The following SPAG16 variants were observed in gnomAD, a reference collection of about 807,000 sequenced individuals.
SPAG16 encodes sperm-associated antigen 16 protein.
In SPAG16, 86 loss-of-function variants were observed where a neutral mutation model predicts 80.4. That is an observed-to-expected ratio of 1.07 (90% CI 0.90 to 1.28). The LOEUF (loss-of-function observed/expected upper bound fraction) is 1.28. SPAG16 is among the 50% of genes most tolerant of loss of function. The probability of loss-of-function intolerance (pLI) is 0.00; values close to 1 mark genes in which losing one functional copy is unlikely to be tolerated. For missense variants in SPAG16, 870 were observed against 765.3 expected (o/e 1.14, Z -1.61); for synonymous variants, 294 against 265.9 (o/e 1.11, Z -1.03).
intron 10 of SPAG16, among the ~76,000 whole-genome samples, chr2:213,590,677 A>G (rs1419776822): frequency 6.6e-6 from 1 of 152,198 alleles, no homozygotes; most frequent in Non-Finnish European, 1.5e-5. Flanking sequence ...TGTGGAGAAA[A>G]TGGAACGCTT....
At chr2:213,515,216 A>T (rs1426305611) in intron 10 of SPAG16, among the ~76,000 whole-genome samples, 1 of 152,176 alleles carries the variant, frequency 6.6e-6, no homozygotes, top group Non-Finnish European at 1.5e-5. Flanking sequence ...AGGTTACTTA[A>T]ATTAGGTCTT....
chr2:213,299,700 A>G (rs1358488118), intron 3 of SPAG16, among the ~76,000 whole-genome samples: 2 of 152,128 alleles, frequency 1.3e-5, no homozygotes, highest in Non-Finnish European at 2.9e-5. Flanking sequence ...TAGTGGGTTC[A>G]ATGATCTGAA....
At chr2:213,495,271 T>C (rs2074431376) in intron 10 of SPAG16, among the ~76,000 whole-genome samples, 1 of 152,200 alleles carries the variant, frequency 6.6e-6, no homozygotes, top group African/African-American at 2.4e-5. Flanking sequence ...CCCTAAGACT[T>C]CCAGTGGGAT....
At chr2:213,337,549 AAC>A (rs1217670740) in intron 5 of SPAG16, among the ~76,000 whole-genome samples, 1 of 152,244 alleles carries the variant, frequency 6.6e-6, no homozygotes, top group Non-Finnish European at 1.5e-5. Flanking sequence ...CAAGCTGAGA[AAC>A]ACAACACGAG....
intron 12 of SPAG16, among the ~76,000 whole-genome samples, chr2:214,007,664 A>AT (rs149457018): frequency 0.025 from 3,802 of 152,260 alleles, 159 homozygotes; most frequent in African/African-American, 0.087. Flanking sequence ...CAAAAAAGTG[A>AT]TCTGCCTCCA....
At chr2:214,012,289 T>TATATATATATATATATA (rs71034604) in intron 12 of SPAG16, among the ~76,000 whole-genome samples, 7 of 26,100 alleles carry the variant, frequency 2.7e-4, no homozygotes, top group African/African-American at 1.1e-3. Context: ...TATATATATA[T>TATATATATATATATATA]TTTTTTTTTT....
intron 13 of SPAG16, 135 bp from the exon 14 acceptor site, chr2:214,108,061 A>C: frequency 1.6e-6 from 1 of 628,186 alleles, no homozygotes; most frequent in Non-Finnish European, 2.7e-6. Flanking sequence ...CAAAAGCTAG[A>C]ATTTTCTATG....
At chr2:213,716,072 AT>A (rs999384567) in intron 10 of SPAG16, among the ~76,000 whole-genome samples, 2 of 152,096 alleles carry the variant, frequency 1.3e-5, no homozygotes, top group African/African-American at 4.8e-5. Context: ...TTATTTTCTA[AT>A]TTTTACATAT....
intron 15 of SPAG16, among the ~76,000 whole-genome samples, chr2:214,193,364 T>C (rs931225769): frequency 6.6e-6 from 1 of 150,512 alleles, no homozygotes; most frequent in Non-Finnish European, 1.5e-5. Flanking sequence ...TTTGCTAAAA[T>C]TCATTAACAT....
chr2:213,943,045 A>G (rs567863256), intron 12 of SPAG16, among the ~76,000 whole-genome samples: 4 of 152,256 alleles, frequency 2.6e-5, no homozygotes, highest in African/African-American at 9.6e-5. Context: ...TGCAAACCAG[A>G]AAGTGGGCTT....
intron 10 of SPAG16, among the ~76,000 whole-genome samples, chr2:213,559,052 A>G (rs951805331): frequency 3.3e-5 from 5 of 152,134 alleles, no homozygotes; most frequent in Non-Finnish European, 4.4e-5. Context: ...GCCTCATTCA[A>G]ATTCCTTCAG....
Position 213,499,486 on chromosome 2 carries a change from A to C in SPAG16, c.1070+9396A>C, listed in dbSNP as rs541232127. ...TATGTGTTGAAAGAATGAATGCATG[A>C]CTTAAGTTATTATGAGTGCCTATAG... On this transcript the variant is annotated intron_variant, in intron 10 of 15. Coordinates refer to ENST00000331683, the MANE Select transcript of SPAG16 (RefSeq NM_024532.5). 9.9e-5 allele frequency among the ~76,000 whole-genome samples: 15 copies of C among 152,270 alleles called. No homozygotes were observed. The South Asian group carries it at 2.9e-3, about 29-fold the overall frequency.
At chr2:213,394,072 T>C (rs1179469133) in intron 9 of SPAG16, among the ~76,000 whole-genome samples, 2 of 152,110 alleles carry the variant, frequency 1.3e-5, no homozygotes, top group Non-Finnish European at 2.9e-5. Flanking sequence ...AAGTTCTTCA[T>C]TATAATGTAG....
chr2:213,396,443 T>C (rs2068037298), intron 9 of SPAG16: 2 of 190,950 alleles, frequency 1.0e-5, no homozygotes, highest in Non-Finnish European at 2.2e-5. Flanking sequence ...AAGTACCTTA[T>C]AGTTTTGCTC....
At chr2:213,364,343 A>G (rs1186171583) in intron 8 of SPAG16, 198 bp downstream of exon 8, 2 of 291,004 alleles carry the variant, frequency 6.9e-6, no homozygotes, top group Non-Finnish European at 1.3e-5. Context: ...CAAGTCAACT[A>G]TAATGGAAGG....
chr2:213,450,796 G>A (rs1303069151), intron 9 of SPAG16, among the ~76,000 whole-genome samples: 2 of 152,228 alleles, frequency 1.3e-5, no homozygotes, highest in East Asian at 3.9e-4. Context: ...AGCTTGCTCT[G>A]AAAGAACTAG....
intron 9 of SPAG16, among the ~76,000 whole-genome samples, chr2:213,450,275 G>A (rs1271379345): frequency 6.6e-6 from 1 of 152,208 alleles, no homozygotes; most frequent in Non-Finnish European, 1.5e-5. Flanking sequence ...CTGCACTCCA[G>A]CCTGGGCGAC....
intron 15 of SPAG16, among the ~76,000 whole-genome samples, chr2:214,212,597 C>T (rs1358866212): frequency 6.6e-6 from 1 of 151,978 alleles, no homozygotes; most frequent in Non-Finnish European, 1.5e-5. Flanking sequence ...AAGTTAGACC[C>T]CCATTGATTG....
chr2:214,407,503 A>G (rs1028577950), intron 15 of SPAG16, among the ~76,000 whole-genome samples: 1 of 152,140 alleles, frequency 6.6e-6, no homozygotes, highest in Non-Finnish European at 1.5e-5. Context: ...AAGTTCTGAT[A>G]TAGTTAAATC....
Sources: allele counts gnomAD v4.1 joint callset (sites outside exome capture counted in the v4.1 genomes callset), GRCh38; gene constraint gnomAD v4.1.1; transcripts MANE v1.5; gene names NCBI Gene and HGNC (gene_info 2026-07-23, HGNC 2026-07-21).